The following GNB1L variants were observed in gnomAD, a reference collection of about 807,000 sequenced individuals.
GNB1L encodes guanine nucleotide-binding protein subunit beta-like protein 1.
Under a neutral mutation model 29.1 loss-of-function variants are expected in GNB1L, and 20 were observed. That is an observed-to-expected ratio of 0.69 (90% CI 0.48 to 1.00). The LOEUF is 1.00. Ranked by LOEUF, GNB1L falls within the 50% of genes least tolerant of loss-of-function variation. The pLI is 0.00. For missense variants in GNB1L, 421 were observed against 464.9 expected (o/e 0.91, Z 0.87); for synonymous variants, 193 against 206.5 (o/e 0.93, Z 0.56).
chr22:19,826,246 G>T (rs987258120), intron 2 of GNB1L, among the ~76,000 whole-genome samples: 1 of 152,118 alleles, frequency 6.6e-6, no homozygotes, highest in African/African-American at 2.4e-5. Flanking sequence ...CTACACCCAC[G>T]GATGCCAGAA....
chr22:19,800,599 A>C (rs1324700904), intron 7 of GNB1L, among the ~76,000 whole-genome samples: 1 of 152,170 alleles, frequency 6.6e-6, no homozygotes. Flanking sequence ...TGACACATCC[A>C]CCGACCACCC....
At chr22:19,836,998 G>T (rs1014952609) in intron 2 of GNB1L, among the ~76,000 whole-genome samples, 2 of 146,616 alleles carry the variant, frequency 1.4e-5, no homozygotes, top group Non-Finnish European at 3.0e-5. Flanking sequence ...ATGGAGTCTC[G>T]CTCTGTTGCC....
Position 19,847,804 on chromosome 22 carries a change from C to CAAAAA in GNB1L, c.-21+6634_-21+6638dup, listed in dbSNP as rs34331843. On this transcript the variant is annotated intron_variant, in intron 2 of 7. Transcript: ENST00000329517. ...ACTTTTAAAATCCTGGAATCATAGG[C>CAAAAA]AAAAAAAAAAAAAAAAAAAAATTCA... 4.2e-4 allele frequency: 257 copies of CAAAAA among 612,144 alleles called. 3 individuals are homozygous for CAAAAA. Among genetic ancestry groups the CAAAAA allele is most frequent in the African/African-American group, 1.8e-3 (65 of 35,756 alleles). The allele number at this position is 612,144 out of a possible 1,614,324, so 37.9% of individuals were successfully genotyped here.
rs766336392 is a variant in GNB1L, at chr22:19,816,625, C to T, written c.254+3973G>A. Among the ~76,000 whole-genome samples, 10 of 151,994 alleles carry T rather than the reference C, an allele frequency of 6.6e-5. No homozygotes were observed. The highest frequency in any genetic ancestry group is 9.7e-5 in the African/African-American group (4 of 41,394). ...GCACACAACACACAATCACACACACCACACACCTCATACACACCTCACATA... is the reference window on the plus strand; with the variant it reads ...GCACACAACACACAATCACACACACTACACACCTCATACACACCTCACATA... On this transcript the variant is annotated intron_variant, in intron 4 of 7. Transcript: ENST00000329517. The surrounding 1 kb of genome is among the most constrained non-coding windows in gnomAD (Gnocchi z 4.4).
chr22:19,793,410 G>A (rs1382322832), intron 7 of GNB1L, among the ~76,000 whole-genome samples: 2 of 152,036 alleles, frequency 1.3e-5, no homozygotes, highest in Admixed American at 6.6e-5. Context: ...GAGAAAAAAC[G>A]ACTGAACCAA....
chr22:19,824,679 T>G (rs1362890897), intron 2 of GNB1L, among the ~76,000 whole-genome samples: 1 of 152,122 alleles, frequency 6.6e-6, no homozygotes, highest in Non-Finnish European at 1.5e-5. Flanking sequence ...TCCAGAGCGC[T>G]CCTCTGGGTG....
At chr22:19,789,948 G>A (rs575922115) in intron 7 of GNB1L, among the ~76,000 whole-genome samples, 5 of 152,250 alleles carry the variant, frequency 3.3e-5, no homozygotes, top group African/African-American at 4.8e-5. Flanking sequence ...TGTTTAGGCC[G>A]TCCTCAGAAT....
chr22:19,811,963 C>T (rs551118538), intron 5 of GNB1L, among the ~76,000 whole-genome samples: 21 of 152,304 alleles, frequency 1.4e-4, no homozygotes, highest in Admixed American at 9.8e-4. Flanking sequence ...CTGCCGGCCT[C>T]GGGCCTCCAT....
intron 7 of GNB1L, among the ~76,000 whole-genome samples, chr22:19,801,132 T>C (rs1937365752): frequency 6.6e-6 from 1 of 152,194 alleles, no homozygotes; most frequent in Non-Finnish European, 1.5e-5. Context: ...CTTCTGCCAG[T>C]AGTCACCTCA....
At chr22:19,827,467 G>A (rs751247301) in intron 2 of GNB1L, among the ~76,000 whole-genome samples, 6 of 152,106 alleles carry the variant, frequency 3.9e-5, no homozygotes, top group Non-Finnish European at 7.4e-5. Context: ...CACTGGACTC[G>A]TATCCAGAAT....
chr22:19,851,608 C>T (rs781106314), intron 2 of GNB1L: 33 of 1,596,676 alleles, frequency 2.1e-5, no homozygotes, highest in Non-Finnish European at 8.5e-7. Context: ...CCTCTAAGAA[C>T]CTAGCTAAGT....
intron 2 of GNB1L, among the ~76,000 whole-genome samples, chr22:19,840,395 G>C (rs1223787444): frequency 6.6e-6 from 1 of 152,224 alleles, no homozygotes; most frequent in Non-Finnish European, 1.5e-5. Flanking sequence ...AGTACGGAAA[G>C]GAGAGAAAAA....
chr22:19,806,800 G>T, intron 5 of GNB1L, 43 bp from the exon 6 acceptor site: 1 of 1,327,470 alleles, frequency 7.5e-7, no homozygotes, highest in Non-Finnish European at 1.1e-6. Context: ...TCGCCAAGTC[G>T]AGTCTGCGCT....
rs999374496 is a variant in GNB1L at position 19,784,694 on chromosome 22, T to G, written c.*4015A>C. The G allele has an allele frequency of 6.6e-6, 1 of 152,124 alleles. No homozygotes were observed. The highest frequency in any genetic ancestry group is 1.5e-5 in the Non-Finnish European group (1 of 68,048). The allele number at this position is 152,124 out of a possible 1,614,324, so 9.4% of individuals were successfully genotyped here. A position where few individuals can be genotyped will look rare whatever the true frequency, so the allele number is the denominator to read the frequency against. On this transcript the variant is annotated 3_prime_UTR_variant, in exon 8 of 8. Transcript: ENST00000329517. The stretch of plus-strand genomic sequence containing the variant: ...GCCCCTTGGCACTGGAGGCAGGGCC[T>G]CACCAGGCAGACGTGCCAGGACCCG...
intron 5 of GNB1L, among the ~76,000 whole-genome samples, chr22:19,807,551 T>C (rs2145872086): frequency 6.6e-6 from 1 of 152,306 alleles, no homozygotes; most frequent in South Asian, 2.1e-4. Context: ...TGTCTGCTTC[T>C]CCTTCCTGGT....
intron 5 of GNB1L, among the ~76,000 whole-genome samples, chr22:19,807,581 C>T (rs1335152473): frequency 1.3e-5 from 2 of 152,182 alleles, no homozygotes; most frequent in Non-Finnish European, 2.9e-5. Context: ...ACATAGGAAC[C>T]ACTTGGAATG....
At chr22:19,814,904 C>T (rs1454016691) in intron 4 of GNB1L, among the ~76,000 whole-genome samples, 3 of 151,978 alleles carry the variant, frequency 2.0e-5, no homozygotes, top group Non-Finnish European at 2.9e-5. Flanking sequence ...AGCTTGGTGG[C>T]GTGCACCTGC....
chr22:19,803,079 G>C (rs1186403977), intron 6 of GNB1L, among the ~76,000 whole-genome samples: 2 of 152,238 alleles, frequency 1.3e-5, no homozygotes. Context: ...ACAAGGACCA[G>C]GGCTCGCTGC....
intron 2 of GNB1L, among the ~76,000 whole-genome samples, chr22:19,853,017 GCT>G: frequency 6.6e-6 from 1 of 152,254 alleles, no homozygotes; most frequent in East Asian, 1.9e-4. Flanking sequence ...TCGTCATTAG[GCT>G]CTTTTACATC....
Sources: allele counts gnomAD v4.1 joint callset (sites outside exome capture counted in the v4.1 genomes callset), GRCh38; gene constraint gnomAD v4.1.1; non-coding constraint Gnocchi (gnomAD v3.1); transcripts MANE v1.5; gene names NCBI Gene and HGNC (gene_info 2026-07-23, HGNC 2026-07-21).